Variants in NDE1 observed in about 807,000 individuals in gnomAD.
NDE1 encodes the protein nuclear distribution protein nudE homolog 1.
In NDE1, 28 loss-of-function variants were observed where a neutral mutation model predicts 43.4. The observed-to-expected ratio is 0.65, with a 90% CI of 0.48 to 0.89. The LOEUF (loss-of-function observed/expected upper bound fraction) is 0.89. NDE1 is among the 40% of genes least tolerant of loss of function. The probability of loss-of-function intolerance (pLI) is 0.00; values close to 1 mark genes in which losing one functional copy is unlikely to be tolerated. For synonymous variants in NDE1, 184 were observed against 172.0 expected (o/e 1.07, Z -0.55); for missense variants, 441 against 434.1 (o/e 1.02, Z -0.14).
chr16:15,685,145 ATAT>A (rs1409235250), intron 4 of NDE1, among the ~76,000 whole-genome samples: 1 of 152,228 alleles, frequency 6.6e-6, no homozygotes, highest in Non-Finnish European at 1.5e-5. Context: ...ACTACTCTAC[ATAT>A]TATTATGTGA....
At chr16:15,674,698 T>G (rs533962564) in intron 3 of NDE1, among the ~76,000 whole-genome samples, 1 of 152,144 alleles carries the variant, frequency 6.6e-6, no homozygotes, top group East Asian at 1.9e-4. Flanking sequence ...ACAACAGAAG[T>G]CATTGAGATT....
chr16:15,673,559 T>C (rs934451340), intron 3 of NDE1, among the ~76,000 whole-genome samples: 13 of 151,884 alleles, frequency 8.6e-5, no homozygotes, highest in Non-Finnish European at 1.3e-4. Context: ...TTTTTTTTTT[T>C]TTTTAAGCGT....
At chr16:15,697,513 A>G (rs1383956015) in intron 8 of NDE1, among the ~76,000 whole-genome samples, 1 of 152,054 alleles carries the variant, frequency 6.6e-6, no homozygotes, top group African/African-American at 2.4e-5. Flanking sequence ...GTTCAAAACC[A>G]GTCTGGGCAA....
intron 8 of NDE1, chr16:15,703,412 AT>A (rs1360055098): frequency 2.9e-5 from 7 of 239,656 alleles, no homozygotes; most frequent in African/African-American, 1.5e-4. Flanking sequence ...CTTTCTCCCC[AT>A]TTCATGTAAA....
At chr16:15,681,641 A>G (rs2038190486) in intron 4 of NDE1, among the ~76,000 whole-genome samples, 2 of 152,138 alleles carry the variant, frequency 1.3e-5, no homozygotes, top group South Asian at 4.1e-4. Flanking sequence ...TGTCTGTGAC[A>G]TGAATGGACA....
At chr16:15,696,584 C>T (rs2039024470) in intron 7 of NDE1, 125 bp from the exon 8 acceptor site, 2 of 1,559,720 alleles carry the variant, frequency 1.3e-6, no homozygotes, top group South Asian at 1.2e-5. Flanking sequence ...TGGGGTCCCA[C>T]CTTGGAATTC....
upstream of NDE1, chr16:15,650,237 C>A: frequency 3.6e-6 from 1 of 275,392 alleles, no homozygotes; most frequent in Non-Finnish European, 7.4e-6. Flanking sequence ...GGGGCCGCAC[C>A]GCCCTTCGCA....
At chr16:15,719,393 G>GA in intron 8 of NDE1, 1 of 1,506,946 alleles carries the variant, frequency 6.6e-7, no homozygotes. Context: ...AGCCACCCTT[G>GA]AAAGTACATG....
At chr16:15,653,550 G>GT (rs2036605241) in intron 1 of NDE1, among the ~76,000 whole-genome samples, 1 of 152,236 alleles carries the variant, frequency 6.6e-6, no homozygotes, top group African/African-American at 2.4e-5. Context: ...GATGGTTTCT[G>GT]TATGTTTATT....
At chr16:15,660,031 G>T (rs1490535537) in intron 1 of NDE1, among the ~76,000 whole-genome samples, 3 of 152,096 alleles carry the variant, frequency 2.0e-5, no homozygotes, top group African/African-American at 7.2e-5. Flanking sequence ...ACAGATGCGA[G>T]CCACTGAGTC....
At chr16:15,643,463 C>T in exon 1 of NDE1, 1 of 419,034 alleles carries the variant, frequency 2.4e-6, no homozygotes, top group South Asian at 1.7e-5. Context: ...GTGACGTGGA[C>T]CCGAGGAAAA....
intron 3 of NDE1, among the ~76,000 whole-genome samples, chr16:15,669,117 G>A (rs1034678521): frequency 6.6e-6 from 1 of 151,600 alleles, no homozygotes; most frequent in African/African-American, 2.4e-5. Flanking sequence ...AGCTAGGATG[G>A]TCTTGATCTC....
chr16:15,643,865 C>G (rs1408361871), exon 1 of NDE1: 2 of 155,710 alleles, frequency 1.3e-5, no homozygotes, highest in Non-Finnish European at 2.9e-5. Context: ...TGCTCCAAAG[C>G]TGGTTACAAA....
intron 1 of NDE1, among the ~76,000 whole-genome samples, chr16:15,659,425 CTTTTTTTTTT>C (rs35091023): frequency 2.9e-4 from 17 of 58,904 alleles, no homozygotes; most frequent in Admixed American, 5.4e-4. Flanking sequence ...TGCACACAAT[CTTTTTTTTTT>C]TTTTTTTTTT....
chr16:15,655,684 G>C (rs1482113874), intron 1 of NDE1, among the ~76,000 whole-genome samples: 1 of 152,026 alleles, frequency 6.6e-6, no homozygotes, highest in East Asian at 1.9e-4. Flanking sequence ...GCACACGTAT[G>C]TTTATTGCGG....
intron 8 of NDE1, chr16:15,704,180 A>T: frequency 6.2e-7 from 1 of 1,603,144 alleles, no homozygotes; most frequent in Non-Finnish European, 8.5e-7. Flanking sequence ...GTTGGGATAG[A>T]TTTTTTATAA....
chr16:15,649,999 C>A (rs1009886769), upstream of NDE1, among the ~76,000 whole-genome samples: 1 of 152,238 alleles, frequency 6.6e-6, no homozygotes, highest in East Asian at 1.9e-4. Context: ...GCAGCATCTC[C>A]AATGCCCGCC....
intron 3 of NDE1, among the ~76,000 whole-genome samples, chr16:15,668,229 GTACACGCC>G (rs1248283325): frequency 6.6e-6 from 1 of 152,136 alleles, no homozygotes; most frequent in Non-Finnish European, 1.5e-5. Context: ...GGGCGTGGTG[GTACACGCC>G]TATAGTCCCA....
chr16:15,691,834 G>A (rs1468131592), intron 6 of NDE1, among the ~76,000 whole-genome samples: 2 of 151,550 alleles, frequency 1.3e-5, no homozygotes, highest in African/African-American at 2.4e-5. Flanking sequence ...TTGCCATGTC[G>A]CCCAGGCTGG....
Sources: gnomAD v4.1 joint callset for allele counts (sites outside exome capture counted in the v4.1 genomes callset) on GRCh38, gnomAD v4.1.1 for gene constraint, MANE v1.5 for transcripts, NCBI Gene and HGNC (gene_info 2026-07-23, HGNC 2026-07-21) for gene names.